Variants in ERBB4 observed in about 807,000 individuals in gnomAD.
The protein encoded by ERBB4 is receptor tyrosine-protein kinase erbB-4.
In ERBB4, 42 loss-of-function variants were observed where a neutral mutation model predicts 158.0. The ratio of observed to expected loss-of-function variants is 0.27; its 90% CI spans 0.21 to 0.34. ERBB4 has a LOEUF of 0.34. Among genes scored for constraint, ERBB4 ranks in the 10% least tolerant of loss-of-function variants. ERBB4 has a pLI of 1.00. For missense variants in ERBB4, 1,333 were observed against 1,624.1 expected (o/e 0.82, Z 3.08); for synonymous variants, 583 against 558.7 (o/e 1.04, Z -0.61).
chr2:212,127,419 C>T (rs1441124733), intron 1 of ERBB4, among the ~76,000 whole-genome samples: 11 of 152,094 alleles, frequency 7.2e-5, no homozygotes, highest in East Asian at 5.8e-4. Context: ...AGTGAAACCC[C>T]GTCTCAACTA....
chr2:211,893,092 G>A (rs553364629), intron 3 of ERBB4, among the ~76,000 whole-genome samples: 5,890 of 127,452 alleles, frequency 0.046, 197 homozygotes, highest in African/African-American at 0.088. Flanking sequence ...AAAAGAGCCC[G>A]CATCGCCAAG....
intron 3 of ERBB4, among the ~76,000 whole-genome samples, chr2:211,848,714 A>G (rs565334157): frequency 6.6e-6 from 1 of 152,190 alleles, no homozygotes; most frequent in South Asian, 2.1e-4. Context: ...AATAGACTAG[A>G]GATTAGGCAC....
intron 1 of ERBB4, among the ~76,000 whole-genome samples, chr2:212,177,605 A>G (rs1231725637): frequency 6.6e-6 from 1 of 151,810 alleles, no homozygotes; most frequent in African/African-American, 2.4e-5. Context: ...TTCACTTTTT[A>G]AAAACATTTT....
intron 8 of ERBB4, among the ~76,000 whole-genome samples, chr2:211,712,576 G>A (rs1463616617): frequency 6.6e-6 from 1 of 151,986 alleles, no homozygotes; most frequent in Non-Finnish European, 1.5e-5. Context: ...TTAGCAAAAT[G>A]ATTTCATGGC....
intron 1 of ERBB4, among the ~76,000 whole-genome samples, chr2:212,312,405 T>C (rs1024694550): frequency 6.6e-6 from 1 of 150,950 alleles, no homozygotes; most frequent in African/African-American, 2.4e-5. Flanking sequence ...GTCCATGAAA[T>C]TGTGTATTAT....
chr2:211,825,457 C>T (rs1173554608), intron 3 of ERBB4, among the ~76,000 whole-genome samples: 1 of 151,774 alleles, frequency 6.6e-6, no homozygotes, highest in Non-Finnish European at 1.5e-5. Flanking sequence ...ACTTCTATAA[C>T]TTAGCAACAA....
intron 1 of ERBB4, among the ~76,000 whole-genome samples, chr2:212,291,004 G>C (rs2086186797): frequency 6.6e-6 from 1 of 152,228 alleles, no homozygotes; most frequent in South Asian, 2.1e-4. Context: ...CAAGGCAACT[G>C]TTTCCATACC....
At chr2:212,194,489 C>G (rs189866968) in intron 1 of ERBB4, among the ~76,000 whole-genome samples, 111 of 152,104 alleles carry the variant, frequency 7.3e-4, no homozygotes, top group African/African-American at 2.6e-3. Flanking sequence ...GTTACTATTT[C>G]CCTTAGCTAA....
intron 1 of ERBB4, among the ~76,000 whole-genome samples, chr2:212,518,816 CT>C (rs1361716392): frequency 1.3e-5 from 2 of 151,952 alleles, no homozygotes; most frequent in Non-Finnish European, 2.9e-5. Flanking sequence ...TATCTAACTC[CT>C]TCTGGACAAA....
chr2:212,018,120 A>C (rs894366823), intron 2 of ERBB4, among the ~76,000 whole-genome samples: 16 of 152,142 alleles, frequency 1.1e-4, no homozygotes, highest in African/African-American at 3.4e-4. Flanking sequence ...GTAAAGTATT[A>C]ACCACCACCC....
intron 14 of ERBB4, among the ~76,000 whole-genome samples, chr2:211,672,051 C>T (rs1264598015): frequency 6.6e-6 from 1 of 152,100 alleles, no homozygotes; most frequent in Non-Finnish European, 1.5e-5. Context: ...TCCTTGTGGT[C>T]GTCCTCTGAA....
intron 1 of ERBB4, among the ~76,000 whole-genome samples, chr2:212,395,384 GATTAT>G (rs1448295901): frequency 6.6e-6 from 1 of 151,686 alleles, no homozygotes; most frequent in Non-Finnish European, 1.5e-5. Flanking sequence ...TATAAGCATT[GATTAT>G]ATTATCAAAT....
chr2:212,203,466 A>C (rs1346204611), intron 1 of ERBB4, among the ~76,000 whole-genome samples: 1 of 152,204 alleles, frequency 6.6e-6, no homozygotes, highest in East Asian at 1.9e-4. Context: ...GGTCACGTAG[A>C]AACTTTCAGG....
intron 2 of ERBB4, among the ~76,000 whole-genome samples, chr2:212,001,760 T>G (rs567729407): frequency 3.3e-5 from 5 of 152,182 alleles, no homozygotes; most frequent in Non-Finnish European, 1.5e-5. Flanking sequence ...TTTCTTGATA[T>G]GAAGGAAACA....
intron 2 of ERBB4, among the ~76,000 whole-genome samples, chr2:211,986,708 T>C (rs1270464942): frequency 6.6e-6 from 1 of 152,190 alleles, no homozygotes; most frequent in Admixed American, 6.6e-5. Context: ...GCATAGATTG[T>C]TGTTAGGATT....
At chr2:211,792,970 T>C (rs564014988) in intron 3 of ERBB4, among the ~76,000 whole-genome samples, 52 of 152,026 alleles carry the variant, frequency 3.4e-4, no homozygotes, top group African/African-American at 1.2e-3. Flanking sequence ...TCCAAAACTA[T>C]GGTAAAATAC....
At chr2:211,450,067 C>T (rs954439820) in intron 20 of ERBB4, among the ~76,000 whole-genome samples, 3 of 152,080 alleles carry the variant, frequency 2.0e-5, no homozygotes, top group African/African-American at 7.2e-5. Flanking sequence ...AGTGACTTTC[C>T]CAAAAACACA....
chr2:211,583,834 T>C (rs1178289749), intron 19 of ERBB4, among the ~76,000 whole-genome samples: 2 of 151,732 alleles, frequency 1.3e-5, no homozygotes, highest in East Asian at 1.9e-4. Context: ...TATTGTATAA[T>C]TGTTGCTGTA....
At chr2:211,999,221 C>T (rs923555494) in intron 2 of ERBB4, among the ~76,000 whole-genome samples, 1 of 151,708 alleles carries the variant, frequency 6.6e-6, no homozygotes, top group Non-Finnish European at 1.5e-5. Context: ...ATCTGACTGC[C>T]TTAATTAACA....
Sources: gnomAD v4.1 joint callset for allele counts (sites outside exome capture counted in the v4.1 genomes callset) on GRCh38, gnomAD v4.1.1 for gene constraint, MANE v1.5 for transcripts, NCBI Gene and HGNC (gene_info 2026-07-23, HGNC 2026-07-21) for gene names.